GTF3C5: variants seen among roughly 807,000 people sequenced by gnomAD.
GTF3C5 encodes the protein general transcription factor IIIC subunit 5.
In GTF3C5, 47 loss-of-function variants were observed where a neutral mutation model predicts 61.0. The observed-to-expected ratio is 0.77, with a 90% CI of 0.61 to 0.98. The LOEUF is 0.98. GTF3C5 is among the 50% of genes least tolerant of loss of function. GTF3C5 has a pLI of 0.00. For synonymous variants in GTF3C5, 295 were observed against 275.4 expected, an observed-to-expected ratio of 1.07 and a Z score of -0.71; for missense variants, 659 against 703.3, an observed-to-expected ratio of 0.94 and a Z score of 0.71.
In GTF3C5 at chr9:133,053,920, A is replaced by G; in HGVS notation, c.966A>G (p.Arg322=). Residue 322 remains arginine, a synonymous_variant, in exon 6 of 11, where the codon CGA becomes CGG. Transcript: ENST00000372097. ...DAKIYQVLDF[R]IRCGMKHGYA... ...AGATTTATCAAGTCCTCGATTTCCG[A>G]ATCCGTTGTGGAATGAAACACGGTA... The G allele has an allele frequency of 6.2e-7, 1 of 1,611,482 alleles. No homozygotes were observed. The highest frequency in any genetic ancestry group is 1.7e-5 in the Admixed American group (1 of 59,970).
chr9:133,030,762 C>G (rs924324065), upstream of GTF3C5: 5 of 604,196 alleles, frequency 8.3e-6, no homozygotes, highest in South Asian at 9.4e-5. Flanking sequence ...GGTGCTTGCC[C>G]CGCCCGGTGG....
intron 3 of GTF3C5, among the ~76,000 whole-genome samples, chr9:133,048,337 AT>A (rs936164573): frequency 2.0e-5 from 3 of 152,110 alleles, no homozygotes; most frequent in African/African-American, 7.2e-5. Flanking sequence ...TCTACTAAAA[AT>A]ACAAAAAAAT....
In GTF3C5 at chr9:133,050,844, C is replaced by T; in HGVS notation, c.634C>T (p.Arg212Cys). The T allele has an allele frequency of 6.2e-7, 1 of 1,613,962 alleles. No homozygotes were observed. The highest frequency in any genetic ancestry group is 1.1e-5 in the South Asian group (1 of 91,076). The change falls in exon 4 of 11, where the codon CGC becomes TGC. Residue 212 changes from arginine (R) to cysteine (C), a missense_variant. Coordinates refer to ENST00000372097, the MANE Select transcript of GTF3C5 (RefSeq NM_012087.4). ...ENLIGLSRAR[R>C]PHNAIFVNFE... is the part of the protein sequence containing the mutation. Reference sequence around the variant, plus strand: ...TCTGATTGGCCTGAGCAGAGCCCGGCGCCCCCACAATGCCATCTTTGTCAA... The same window carrying T: ...TCTGATTGGCCTGAGCAGAGCCCGGTGCCCCCACAATGCCATCTTTGTCAA...
Position 133,052,117 on chromosome 9 carries a change from C to A in GTF3C5, c.826C>A (p.His276Asn), listed in dbSNP as rs1850400281. 1 of 1,609,446 alleles carries A rather than the reference C, an allele frequency of 6.2e-7. No homozygotes were observed. The highest frequency in any genetic ancestry group is 8.5e-7 in the Non-Finnish European group (1 of 1,177,306). ...TGCTGTCAAGGCCAACATCAGCGTCCACCCAGACAAGCTCAAGGTCTTGCT... is the reference window on the plus strand; with the variant it reads ...TGCTGTCAAGGCCAACATCAGCGTCAACCCAGACAAGCTCAAGGTCTTGCT... ...RNAVKANISVHPDKLKVLLPF... is the reference protein window; with the variant it reads ...RNAVKANISVNPDKLKVLLPF... The change falls in exon 5 of 11, where the codon CAC becomes AAC. Residue 276 changes from histidine to asparagine, a missense_variant. By Grantham distance (68) the His-to-Asn change is moderately conservative. Transcript: ENST00000372097.
intron 3 of GTF3C5, chr9:133,044,146 CAA>C (rs34524914): frequency 0.013 from 1,349 of 107,906 alleles, no homozygotes; most frequent in South Asian, 0.034. Flanking sequence ...CTTTGTCTCC[CAA>C]AAAAAAAAAA....
At chr9:133,035,748 T>C (rs1324934047) in intron 1 of GTF3C5, among the ~76,000 whole-genome samples, 1 of 152,232 alleles carries the variant, frequency 6.6e-6, no homozygotes, top group East Asian at 1.9e-4. Flanking sequence ...TGCAAGGTTA[T>C]TACCTCGACT....
intron 3 of GTF3C5, among the ~76,000 whole-genome samples, chr9:133,050,094 T>C (rs920710198): frequency 1.3e-5 from 2 of 152,036 alleles, no homozygotes; most frequent in African/African-American, 4.8e-5. Flanking sequence ...TCGAGATGCT[T>C]GTGAGCCAAA....
chr9:133,049,793 T>A (rs1265335235), intron 3 of GTF3C5, among the ~76,000 whole-genome samples: 1 of 152,222 alleles, frequency 6.6e-6, no homozygotes, highest in African/African-American at 2.4e-5. Flanking sequence ...TTTATTTTTT[T>A]AGAGCAATTT....
intron 1 of GTF3C5, 91 bp from the exon 2 acceptor site, chr9:133,041,996 C>T: frequency 1.2e-6 from 1 of 837,246 alleles, no homozygotes; most frequent in Non-Finnish European, 1.9e-6. Flanking sequence ...TTTCCTGGAT[C>T]ACCGTCAGGC....
chr9:133,033,891 CGTT>C (rs1206814317), intron 1 of GTF3C5, among the ~76,000 whole-genome samples: 1 of 152,106 alleles, frequency 6.6e-6, no homozygotes, highest in Non-Finnish European at 1.5e-5. Context: ...TTGGCTGGGT[CGTT>C]GTGGAGACCG....
chr9:133,044,161 A>G lies in GTF3C5; in HGVS notation c.572+235A>G, dbSNP rs1850132005. The G allele has an allele frequency of 1.9e-5, 10 of 534,984 alleles. No homozygotes were observed. The South Asian group carries it at 2.1e-4, about 11-fold the overall frequency. The allele number at this position is 534,984 out of a possible 1,614,324, so 33.1% of individuals were successfully genotyped here. ...CTTTGTCTCCCAAAAAAAAAAAAAA[A>G]AAAAAAAAGAAAATGGGATGACAGT... On this transcript the variant is annotated intron_variant, in intron 3 of 10. Transcript: ENST00000372097.
In GTF3C5 at chr9:133,055,104, C is replaced by T. The variant is rs536012364; in HGVS notation, c.1167+295C>T. The T allele has an allele frequency of 3.2e-6, 5 of 1,550,138 alleles. No individual in the cohort carries two copies. In the African/African-American group the frequency reaches 5.5e-5, roughly 17 times the overall value. ...CGAGCCCTTTGGGAGCCTGGGCCCC[C>T]ACTGAGCCACGTGACCACTCCGGGA... On this transcript the variant is annotated intron_variant, in intron 8 of 10. Coordinates refer to ENST00000372097, the MANE Select transcript of GTF3C5 (RefSeq NM_012087.4).
chr9:133,054,125 C>T (rs1162627556), intron 6 of GTF3C5, among the ~76,000 whole-genome samples, 183 bp downstream of exon 6: 1 of 152,206 alleles, frequency 6.6e-6, no homozygotes, highest in Non-Finnish European at 1.5e-5. Flanking sequence ...CTGTGCTGGC[C>T]CCACCACTGA....
At position 133,054,470 on chromosome 9, in the gene GTF3C5, A is replaced by G. The variant is rs750033243; in HGVS notation, c.1051A>G (p.Ile351Val). The change falls in exon 7 of 11, where the codon ATC becomes GTC. Residue 351 changes from isoleucine (I) to valine (V), a missense_variant. Coordinates refer to ENST00000372097, the MANE Select transcript of GTF3C5 (RefSeq NM_012087.4). Reference sequence around the variant, plus strand: ...CAGCACCTACAACTACAGCCTCCCCATCACCGTCAAGAAGACATGTAAGCG... The same window carrying G: ...CAGCACCTACAACTACAGCCTCCCCGTCACCGTCAAGAAGACATGTAAGCG... Reference protein sequence around the residue: ...KRSTYNYSLPITVKKTSSQLV... With the variant: ...KRSTYNYSLPVTVKKTSSQLV... 5.6e-6 allele frequency: 9 copies of G among 1,614,114 alleles called. No homozygotes were observed. The highest frequency in any genetic ancestry group is 5.5e-5 in the South Asian group (5 of 91,088).
At chr9:133,054,602 A>T in intron 7 of GTF3C5, 110 bp from the exon 8 acceptor site, 1 of 1,411,734 alleles carries the variant, frequency 7.1e-7, no homozygotes, top group African/African-American at 1.4e-5. Flanking sequence ...TCTGCCGGTC[A>T]TTCCTCCCCT....
Position 133,054,581 on chromosome 9 carries a change from C to T in GTF3C5, c.1069+93C>T. The T allele has an allele frequency of 3.6e-6, 5 of 1,406,672 alleles. No homozygotes were observed. In the Admixed American group the frequency reaches 7.6e-5, roughly 22 times the overall value. 87.1% of individuals were successfully genotyped at this position (1,406,672 alleles called of 1,614,324 possible). ...AGACGGGGAGGTGGTTCCTGGGGGT[C>T]ACTCCAGGGCTCTGCCGGTCATTCC... On this transcript the variant is annotated intron_variant, in intron 7 of 10. Transcript: ENST00000372097.
At chr9:133,057,079 C>T (rs1366515982) in intron 10 of GTF3C5, among the ~76,000 whole-genome samples, 171 bp downstream of exon 10, 1 of 152,228 alleles carries the variant, frequency 6.6e-6, no homozygotes. Flanking sequence ...CAGGTGCTGG[C>T]ATCACCCCAG....
At chr9:133,038,401 T>A (rs1228672612) in intron 1 of GTF3C5, among the ~76,000 whole-genome samples, 1 of 151,476 alleles carries the variant, frequency 6.6e-6, no homozygotes, top group Non-Finnish European at 1.5e-5. Context: ...ACAGCCTTTT[T>A]CTCCCCAGGG....
intron 3 of GTF3C5, among the ~76,000 whole-genome samples, chr9:133,049,497 A>AT (rs1224792898): frequency 6.6e-6 from 1 of 152,232 alleles, no homozygotes; most frequent in Non-Finnish European, 1.5e-5. Context: ...ACACATTTTA[A>AT]AAGGTAATGA....
Sources: allele counts gnomAD v4.1 joint callset (sites outside exome capture counted in the v4.1 genomes callset), GRCh38; gene constraint gnomAD v4.1.1; transcripts MANE v1.5; gene names NCBI Gene and HGNC (gene_info 2026-07-23, HGNC 2026-07-21).